The following MAP4K3 variants were observed in gnomAD, a reference collection of about 807,000 sequenced individuals.
The protein encoded by MAP4K3 is mitogen-activated protein kinase kinase kinase kinase 3, also known as MAPK/ERK kinase kinase kinase 3.
MAP4K3 carries 94 observed loss-of-function variants against 143.5 expected under a neutral mutation model. The observed-to-expected ratio is 0.65, with a 90% CI of 0.55 to 0.78. MAP4K3 has a LOEUF of 0.78. Ranked by LOEUF, MAP4K3 falls within the 30% of genes least tolerant of loss-of-function variation. The pLI is 0.00. For missense variants in MAP4K3, 1,077 were observed against 1,068.1 expected (o/e 1.01, Z -0.12); for synonymous variants, 416 against 347.2 (o/e 1.20, Z -2.20).
chr2:39,255,051 C>A (rs1316636582), intron 31 of MAP4K3, among the ~76,000 whole-genome samples: 2 of 152,138 alleles, frequency 1.3e-5, no homozygotes, highest in Admixed American at 6.5e-5. Context: ...CATTTCTGGT[C>A]TTTCCTTCCT....
chr2:39,384,070 C>T (rs1402365379), intron 1 of MAP4K3, among the ~76,000 whole-genome samples: 1 of 150,002 alleles, frequency 6.7e-6, no homozygotes, highest in Non-Finnish European at 1.5e-5. Flanking sequence ...GCTATGATCA[C>T]ACCATTGTCC....
intron 2 of MAP4K3, among the ~76,000 whole-genome samples, chr2:39,368,077 G>A (rs1167443365): frequency 1.3e-5 from 2 of 152,054 alleles, no homozygotes; most frequent in East Asian, 1.9e-4. Context: ...AGGTTTACCC[G>A]AGTGGTTCTG....
chr2:39,346,490 CAT>C (rs1265783189), intron 3 of MAP4K3, among the ~76,000 whole-genome samples: 1 of 152,188 alleles, frequency 6.6e-6, no homozygotes, highest in Non-Finnish European at 1.5e-5. Context: ...GCTCTCCCAG[CAT>C]ATCACTTTAA....
intron 1 of MAP4K3, among the ~76,000 whole-genome samples, chr2:39,418,565 G>A (rs1667456558): frequency 6.6e-6 from 1 of 152,046 alleles, no homozygotes; most frequent in African/African-American, 2.4e-5. Flanking sequence ...GTTTTACAGT[G>A]CAGAAACCTG....
intron 26 of MAP4K3, among the ~76,000 whole-genome samples, chr2:39,271,270 T>G (rs1345507598): frequency 2.0e-5 from 3 of 152,178 alleles, no homozygotes; most frequent in Non-Finnish European, 4.4e-5. Context: ...CATGGGACAT[T>G]TCATACACAT....
intron 1 of MAP4K3, among the ~76,000 whole-genome samples, chr2:39,427,998 G>A (rs1023861671): frequency 5.3e-5 from 8 of 152,058 alleles, no homozygotes; most frequent in Admixed American, 2.6e-4. Context: ...CTCCACAATC[G>A]CAAATACAAT....
At chr2:39,305,405 A>T (rs1474039770) in intron 15 of MAP4K3, among the ~76,000 whole-genome samples, 1 of 152,200 alleles carries the variant, frequency 6.6e-6, no homozygotes, top group Non-Finnish European at 1.5e-5. Context: ...CAGCTCTGCT[A>T]TTCTTAGCTA....
intron 1 of MAP4K3, among the ~76,000 whole-genome samples, chr2:39,414,567 A>G (rs1034261311): frequency 6.6e-6 from 1 of 152,056 alleles, no homozygotes; most frequent in Non-Finnish European, 1.5e-5. Flanking sequence ...CTATGCCTCA[A>G]TTCTCTTAAG....
At chr2:39,293,149 A>AG in intron 17 of MAP4K3, 81 bp downstream of exon 17, 1 of 981,160 alleles carries the variant, frequency 1.0e-6, no homozygotes, top group South Asian at 1.5e-5. Flanking sequence ...GCAAACAAAT[A>AG]GGCTACATAA....
chr2:39,272,196 A>C, intron 26 of MAP4K3, 87 bp downstream of exon 26: 1 of 1,007,582 alleles, frequency 9.9e-7, no homozygotes, highest in Admixed American at 2.1e-5. Flanking sequence ...TATTAACCCA[A>C]ACTGAGTGCT....
intron 1 of MAP4K3, among the ~76,000 whole-genome samples, chr2:39,413,566 G>A (rs1175312024): frequency 1.3e-5 from 2 of 152,134 alleles, no homozygotes; most frequent in African/African-American, 2.4e-5. Flanking sequence ...GCAATTAACT[G>A]TGAGAATCCA....
chr2:39,369,901 A>C (rs1666034515), intron 2 of MAP4K3, among the ~76,000 whole-genome samples: 1 of 152,258 alleles, frequency 6.6e-6, no homozygotes, highest in Admixed American at 6.5e-5. Context: ...CCTTACTGCC[A>C]GCACCACCAC....
chr2:39,335,202 G>T (rs1181026569), intron 6 of MAP4K3, among the ~76,000 whole-genome samples: 1 of 152,170 alleles, frequency 6.6e-6, no homozygotes, highest in African/African-American at 2.4e-5. Context: ...ACTTTATACT[G>T]AGTACAATGG....
chr2:39,331,559 G>A (rs1328972735), intron 8 of MAP4K3, among the ~76,000 whole-genome samples: 1 of 152,054 alleles, frequency 6.6e-6, no homozygotes, highest in Non-Finnish European at 1.5e-5. Flanking sequence ...AATGTTGAAA[G>A]ATTAATCACA....
intron 33 of MAP4K3, among the ~76,000 whole-genome samples, chr2:39,251,317 A>G (rs1042231985): frequency 1.3e-5 from 2 of 152,240 alleles, no homozygotes; most frequent in African/African-American, 4.8e-5. Context: ...TGAGTAAACA[A>G]GCTATTTAGA....
rs779881153 is a variant in MAP4K3 at position 39,288,144 on chromosome 2, G to A, written c.1451C>T (p.Pro484Leu). Residue 484 changes from proline (P) to leucine (L), a missense_variant, in exon 20 of 34, where the codon CCC becomes CTC. Coordinates refer to ENST00000263881, the MANE Select transcript of MAP4K3 (RefSeq NM_003618.4). ...VPPRPPPPRL[P>L]PHKPVALGNG... ...ACCTAAGGCAACAGGTTTGTGTGGGGGTAATCTGGGAGGTGGTGGTCTAGG... is the reference window on the plus strand; with the variant it reads ...ACCTAAGGCAACAGGTTTGTGTGGGAGTAATCTGGGAGGTGGTGGTCTAGG... 7 of 1,613,972 alleles carry A rather than the reference G, an allele frequency of 4.3e-6. No individual in the cohort carries two copies. The highest frequency in any genetic ancestry group is 1.7e-5 in the Admixed American group (1 of 59,998).
intron 15 of MAP4K3, among the ~76,000 whole-genome samples, chr2:39,304,435 G>T (rs1398319184): frequency 6.6e-6 from 1 of 152,208 alleles, no homozygotes; most frequent in Non-Finnish European, 1.5e-5. Context: ...GCATTTGTAA[G>T]AGATGAAATC....
chr2:39,295,715 G>GTTTTTT (rs56299783), intron 16 of MAP4K3, among the ~76,000 whole-genome samples: 2 of 98,548 alleles, frequency 2.0e-5, no homozygotes, highest in African/African-American at 6.8e-5. Flanking sequence ...CGCATTCCAT[G>GTTTTTT]TTTTTTTTTT....
intron 2 of MAP4K3, among the ~76,000 whole-genome samples, chr2:39,366,071 T>A (rs1330755566): frequency 6.6e-6 from 1 of 152,156 alleles, no homozygotes; most frequent in Non-Finnish European, 1.5e-5. Context: ...TGTAAAATAT[T>A]TGAAGAGATT....
Sources: allele counts gnomAD v4.1 joint callset (sites outside exome capture counted in the v4.1 genomes callset), GRCh38; gene constraint gnomAD v4.1.1; transcripts MANE v1.5; gene names NCBI Gene and HGNC (gene_info 2026-07-23, HGNC 2026-07-21).